Variants in CEP170 observed in about 807,000 individuals in gnomAD.
The protein encoded by CEP170 is centrosomal protein 170.
In CEP170, 21 loss-of-function variants were observed where a neutral mutation model predicts 151.9. The ratio of observed to expected loss-of-function variants is 0.14; its 90% CI spans 0.10 to 0.20. The LOEUF is 0.20. Ranked by LOEUF, CEP170 falls within the 10% of genes least tolerant of loss-of-function variation. The pLI, the probability that CEP170 is intolerant of heterozygous loss-of-function variation, is 1.00. For missense variants in CEP170, 964 were observed against 1,892.9 expected (o/e 0.51, Z 9.11); for synonymous variants, 356 against 648.8 (o/e 0.55, Z 6.86).
intron 4 of CEP170, among the ~76,000 whole-genome samples, chr1:243,209,766 G>C (rs2061659187): frequency 6.6e-6 from 1 of 151,312 alleles, no homozygotes; most frequent in Non-Finnish European, 1.5e-5. Context: ...TGCAAGCTCC[G>C]CCTCCCGGGT....
intron 1 of CEP170, among the ~76,000 whole-genome samples, chr1:243,248,903 AT>A: frequency 6.6e-6 from 1 of 152,246 alleles, no homozygotes; most frequent in African/African-American, 2.4e-5. Flanking sequence ...AAATTCACTT[AT>A]CCCATTCCTG....
intron 4 of CEP170, among the ~76,000 whole-genome samples, chr1:243,203,941 C>G (rs954860871): frequency 2.0e-5 from 3 of 151,964 alleles, no homozygotes; most frequent in African/African-American, 4.8e-5. Context: ...TTGCCTATAC[C>G]TTCAAAAAAA....
chr1:243,152,683 C>A (rs1244746031), intron 14 of CEP170, among the ~76,000 whole-genome samples: 1 of 151,232 alleles, frequency 6.6e-6, no homozygotes, highest in Non-Finnish European at 1.5e-5. Flanking sequence ...AGGCACGTAC[C>A]ACCATGCCCA....
intron 17 of CEP170, among the ~76,000 whole-genome samples, chr1:243,135,259 T>C (rs1469921037): frequency 1.3e-5 from 2 of 152,138 alleles, no homozygotes; most frequent in African/African-American, 4.8e-5. Context: ...CAGGCTGGAG[T>C]GCAGTGGTGC....
At chr1:243,172,484 T>C (rs1208573776) in intron 11 of CEP170, among the ~76,000 whole-genome samples, 1 of 152,096 alleles carries the variant, frequency 6.6e-6, no homozygotes, top group African/African-American at 2.4e-5. Flanking sequence ...AATATGAAAT[T>C]AGCCGGGCAT....
In CEP170 at chr1:243,200,641, A is replaced by G. The variant is rs1421427879; in HGVS notation, c.373T>C (p.Ser125Pro). ...FTIQLQLSQK[S>P]SESELSKSAS... ...GATTTGGATAATTCTGATTCTGAAGATTTTTGGGACAACTGAAGCTGAATG... is the reference window on the plus strand; with the variant it reads ...GATTTGGATAATTCTGATTCTGAAGGTTTTTGGGACAACTGAAGCTGAATG... The change falls in exon 6 of 20, where the codon TCT becomes CCT. Residue 125 changes from serine (S) to proline (P), a missense_variant. By Grantham distance (74) the Ser-to-Pro change is moderately conservative (BLOSUM62 -1). Coordinates refer to ENST00000366542, the MANE Select transcript of CEP170 (RefSeq NM_014812.3). 1 of 1,540,762 alleles carries G rather than the reference A, an allele frequency of 6.5e-7. No individual in the cohort carries two copies. The highest frequency in any genetic ancestry group is 2.2e-5 in the Admixed American group (1 of 46,388).
intron 3 of CEP170, among the ~76,000 whole-genome samples, chr1:243,214,165 A>G (rs1434005732): frequency 6.6e-6 from 1 of 152,204 alleles, no homozygotes; most frequent in African/African-American, 2.4e-5. Flanking sequence ...ATGTAGACAT[A>G]AAATTATTGG....
intron 1 of CEP170, among the ~76,000 whole-genome samples, chr1:243,237,963 G>T (rs1180579336): frequency 2.6e-5 from 4 of 152,098 alleles, no homozygotes; most frequent in Admixed American, 2.6e-4. Flanking sequence ...AAACAATCGG[G>T]TCTATCTTTT....
chr1:243,247,787 T>G (rs752293138), intron 1 of CEP170, among the ~76,000 whole-genome samples: 23 of 152,214 alleles, frequency 1.5e-4, no homozygotes, highest in Admixed American at 2.6e-4. Context: ...ATGAAAAATA[T>G]TTTTATTTGC....
intron 13 of CEP170, among the ~76,000 whole-genome samples, chr1:243,163,817 T>C (rs61833875): frequency 6.6e-4 from 100 of 152,250 alleles, no homozygotes; most frequent in Non-Finnish European, 5.1e-4. Context: ...TTCATTTAAC[T>C]CTGAAAGGAG....
At chr1:243,232,157 G>A (rs1006677327) in intron 1 of CEP170, among the ~76,000 whole-genome samples, 1 of 151,944 alleles carries the variant, frequency 6.6e-6, no homozygotes, top group Non-Finnish European at 1.5e-5. Context: ...TAGAGATGGG[G>A]TTTTGCCATG....
At chr1:243,195,684 A>G (rs1466529772) in intron 7 of CEP170, among the ~76,000 whole-genome samples, 1 of 152,110 alleles carries the variant, frequency 6.6e-6, no homozygotes, top group African/African-American at 2.4e-5. Context: ...ACTTAAAAAA[A>G]AAGTTTAAGT....
chr1:243,146,202 C>T (rs1475092863), intron 14 of CEP170, among the ~76,000 whole-genome samples: 1 of 152,074 alleles, frequency 6.6e-6, no homozygotes, highest in Non-Finnish European at 1.5e-5. Flanking sequence ...GGAACACAGG[C>T]TCTGTGTTTT....
chr1:243,153,503 C>CCTTAATTA (rs1473686050), intron 14 of CEP170, among the ~76,000 whole-genome samples: 1 of 152,326 alleles, frequency 6.6e-6, no homozygotes, highest in East Asian at 1.9e-4. Flanking sequence ...GAAATCGCCA[C>CCTTAATTA]AGTCATCCCA....
chr1:243,143,787 G>C (rs531539809), intron 14 of CEP170, among the ~76,000 whole-genome samples: 27 of 150,198 alleles, frequency 1.8e-4, no homozygotes, highest in Non-Finnish European at 1.0e-4. Flanking sequence ...GGCTGGTCTC[G>C]AACTCCTGAG....
intron 7 of CEP170, among the ~76,000 whole-genome samples, chr1:243,195,095 G>C (rs576018304): frequency 2.6e-5 from 4 of 151,830 alleles, no homozygotes; most frequent in African/African-American, 9.7e-5. Flanking sequence ...AGCTCATTCT[G>C]CTTAAGACAT....
At chr1:243,197,082 T>C (rs1181155321) in intron 7 of CEP170, among the ~76,000 whole-genome samples, 2 of 152,088 alleles carry the variant, frequency 1.3e-5, no homozygotes, top group Admixed American at 6.6e-5. Context: ...TTGTAGTTTC[T>C]TGAACAAAGA....
intron 14 of CEP170, among the ~76,000 whole-genome samples, chr1:243,142,699 C>T (rs920310719): frequency 1.3e-5 from 2 of 152,058 alleles, no homozygotes; most frequent in African/African-American, 4.8e-5. Context: ...CTTTAAAAGC[C>T]CTTGAGTAGA....
chr1:243,236,814 G>A lies in CEP170; in HGVS notation c.-41-11493C>T, dbSNP rs533871671. ...GTGACAATGGGAGGAAAGCAGTCTGGGTTAAGGGTCTGTTACGATCCTGAA... is the reference window on the plus strand; with the variant it reads ...GTGACAATGGGAGGAAAGCAGTCTGAGTTAAGGGTCTGTTACGATCCTGAA... On this transcript the variant is annotated intron_variant, in intron 1 of 19. Transcript: ENST00000366542. Among the ~76,000 whole-genome samples the A allele has an allele frequency of 1.0e-3, 157 of 152,276 alleles. 1 individual carries two copies. Among genetic ancestry groups the A allele is most frequent in the Non-Finnish European group, 1.9e-3 (128 of 68,010 alleles).
Sources: gnomAD v4.1 joint callset for allele counts (sites outside exome capture counted in the v4.1 genomes callset) on GRCh38, gnomAD v4.1.1 for gene constraint, MANE v1.5 for transcripts, NCBI Gene and HGNC (gene_info 2026-07-23, HGNC 2026-07-21) for gene names.